LGI2: variants seen among roughly 807,000 people sequenced by gnomAD.
The protein encoded by LGI2 is leucine rich repeat LGI family member 2.
A neutral mutation model predicts 52.0 loss-of-function variants in LGI2; 30 were observed. That is an observed-to-expected ratio of 0.58 (90% CI 0.43 to 0.78). The LOEUF (loss-of-function observed/expected upper bound fraction) is 0.78. LGI2 is among the 30% of genes least tolerant of loss of function. LGI2 has a pLI of 0.00. For synonymous variants in LGI2, 270 were observed against 271.8 expected (o/e 0.99, Z 0.06); for missense variants, 573 against 692.5 (o/e 0.83, Z 1.94).
rs1488280580 is a variant in LGI2, at chr4:25,003,175, A to G, written c.*276T>C. The stretch of plus-strand genomic sequence containing the variant: ...AAAAAGCGGGGGGGAAGCATATTAC[A>G]TTTCTAGATGATAAGAGTAAATGCT... On this transcript the variant is annotated 3_prime_UTR_variant, in exon 8 of 8. Transcript: ENST00000382114. 7.0e-6 allele frequency: 2 copies of G among 287,656 alleles called. No homozygotes were observed. Among genetic ancestry groups the G allele is most frequent in the Non-Finnish European group, 1.3e-5 (2 of 158,004 alleles). 17.8% of individuals were successfully genotyped at this position (287,656 alleles called of 1,614,324 possible). A position where few individuals can be genotyped will look rare whatever the true frequency, so the allele number is the denominator to read the frequency against.
chr4:24,992,507 A>G, the LGI2 span, among the ~76,000 whole-genome samples: 1 of 151,982 alleles, frequency 6.6e-6, no homozygotes, highest in Non-Finnish European at 1.5e-5. Context: ...TGAGGTCAGG[A>G]GTTTGAGACC....
intron 4 of LGI2, 42 bp from the exon 5 acceptor site, chr4:25,019,280 T>G: frequency 7.5e-7 from 1 of 1,324,964 alleles, no homozygotes; most frequent in South Asian, 1.2e-5. Context: ...TATTATCTCA[T>G]GCCCTGTCAC....
rs796966154 is a variant in LGI2 at position 25,016,973 on chromosome 4, C to T, written c.655+1016G>A. On this transcript the variant is annotated intron_variant, in intron 6 of 7. Transcript: ENST00000382114. ...TGTAGAAACCCCACCTAAGCCTTTC[C>T]AATGGAGATACTCACCAATACCTTT... 4.6e-5 allele frequency among the ~76,000 whole-genome samples: 7 copies of T among 152,142 alleles called. No individual in the cohort carries two copies. In the East Asian group the frequency reaches 1.3e-3, roughly 29 times the overall value.
In LGI2 at chr4:25,019,158, A is replaced by T. The variant is rs765695635; in HGVS notation, c.485+9T>A. ...GACAAACACACATAAACTAAATTTC[A>T]TTACTTACAGTTCAATCAGAGAGTC... On this transcript the variant is annotated intron_variant, in intron 5 of 7. Coordinates refer to ENST00000382114, the MANE Select transcript of LGI2 (RefSeq NM_018176.4). 6.4e-7 allele frequency: 1 copy of T among 1,555,532 alleles called. No homozygotes were observed. The highest frequency in any genetic ancestry group is 8.9e-7 in the Non-Finnish European group (1 of 1,128,974).
intron 6 of LGI2, among the ~76,000 whole-genome samples, chr4:25,013,323 C>T (rs911741908): frequency 5.9e-5 from 9 of 151,980 alleles, no homozygotes; most frequent in Non-Finnish European, 7.4e-5. Context: ...GGGGAGGGGA[C>T]GGAGGCTGAG....
intron 6 of LGI2, among the ~76,000 whole-genome samples, chr4:25,017,476 A>G (rs1404788113): frequency 1.5e-5 from 2 of 134,536 alleles, no homozygotes; most frequent in Non-Finnish European, 3.1e-5. Flanking sequence ...CAGGAGGTGG[A>G]GATTGCAGTG....
At chr4:24,993,642 A>G in the LGI2 span, among the ~76,000 whole-genome samples, 24 of 152,156 alleles carry the variant, frequency 1.6e-4, no homozygotes, top group African/African-American at 4.3e-4. Context: ...TCACATCTTT[A>G]ATTTTCTCAC....
chr4:25,030,104 A>ACG (rs2109429754), intron 1 of LGI2, among the ~76,000 whole-genome samples: 1 of 151,794 alleles, frequency 6.6e-6, no homozygotes, highest in African/African-American at 2.4e-5. Context: ...ACACACACAC[A>ACG]CACGCACACG....
chr4:25,012,115 A>G (rs926039601), intron 7 of LGI2, among the ~76,000 whole-genome samples: 6 of 152,162 alleles, frequency 3.9e-5, no homozygotes, highest in Non-Finnish European at 7.4e-5. Flanking sequence ...ATGATCATCA[A>G]TAATAAGCAG....
chr4:25,016,014 T>C (rs1261869797), intron 6 of LGI2, among the ~76,000 whole-genome samples: 1 of 152,216 alleles, frequency 6.6e-6, no homozygotes, highest in African/African-American at 2.4e-5. Flanking sequence ...GTAGGAAGCT[T>C]GTTCATGAAG....
At chr4:24,995,099 T>TGCA (rs1399111197), downstream of LGI2, among the ~76,000 whole-genome samples, 4 of 152,208 alleles carry the variant, frequency 2.6e-5, no homozygotes, top group Admixed American at 1.3e-4. Context: ...CTCACCTGGG[T>TGCA]GCACAAATTA....
chr4:25,025,362 T>C (rs1222406580), intron 3 of LGI2, among the ~76,000 whole-genome samples: 1 of 152,056 alleles, frequency 6.6e-6, no homozygotes, highest in Non-Finnish European at 1.5e-5. Context: ...TGGGGGAGAG[T>C]TCTATCAAGC....
chr4:25,024,720 T>C (rs983112417), intron 4 of LGI2, 100 bp downstream of exon 4: 1 of 753,400 alleles, frequency 1.3e-6, no homozygotes, highest in East Asian at 2.6e-5. Context: ...TAGAAATTCA[T>C]TTCCTTCAGG....
At chr4:25,012,528 G>A (rs375927707) in intron 6 of LGI2, 29 bp from the exon 7 acceptor site, 28 of 1,609,238 alleles carry the variant, frequency 1.7e-5, no homozygotes, top group Non-Finnish European at 1.8e-5. Context: ...AAAGAAAAGC[G>A]TTCATAAAAT....
chr4:25,004,199 A>T lies in LGI2; in HGVS notation c.890T>A (p.Phe297Tyr), dbSNP rs1417191062. 6.2e-7 allele frequency: 1 copy of T among 1,614,200 alleles called. No individual in the cohort carries two copies. The highest frequency in any genetic ancestry group is 1.1e-5 in the South Asian group (1 of 91,074). Residue 297 changes from phenylalanine to tyrosine, a missense_variant, in exon 8 of 8, where the codon TTC becomes TAC. Physicochemically the swap from Phe to Tyr is conservative, Grantham distance 22. Transcript: ENST00000382114. The surrounding 1 kb of genome is among the most constrained non-coding windows in gnomAD (Gnocchi z 4.6). Reference sequence around the variant, plus strand: ...GTATTTGTAAATGTGAGAGCCACCGAAGAGCTGGGCTACCACCACAAAGAC... The same window carrying T: ...GTATTTGTAAATGTGAGAGCCACCGTAGAGCTGGGCTACCACCACAAAGAC... ...DQVFVVVAQL[F>Y]GGSHIYKYDE...
rs886454242 is a variant in LGI2, at chr4:24,998,903, A to G, written c.*4548T>C. 1 of 152,258 alleles carries G rather than the reference A, an allele frequency of 6.6e-6. No homozygotes were observed. Among genetic ancestry groups the G allele is most frequent in the Non-Finnish European group, 1.5e-5 (1 of 68,048 alleles). 9.4% of individuals were successfully genotyped at this position (152,258 alleles called of 1,614,324 possible). A position where few individuals can be genotyped will look rare whatever the true frequency, so the allele number is the denominator to read the frequency against. On this transcript the variant is annotated 3_prime_UTR_variant, in exon 8 of 8. Coordinates refer to ENST00000382114, the MANE Select transcript of LGI2 (RefSeq NM_018176.4). ...TACCGAATATATTGAATTAAGAGGC[A>G]TATAGTTTGTATACCCTATTTACCA...
At chr4:25,021,930 C>CAAAAAAAA (rs35526176) in intron 4 of LGI2, among the ~76,000 whole-genome samples, 1 of 76,570 alleles carries the variant, frequency 1.3e-5, no homozygotes, top group African/African-American at 4.2e-5. Context: ...GATTCCATCT[C>CAAAAAAAA]AAAAAAAAAA....
chr4:25,004,046 G>T lies in LGI2; in HGVS notation c.1043C>A (p.Ala348Asp), dbSNP rs1725329575. 1 of 1,614,076 alleles carries T rather than the reference G, an allele frequency of 6.2e-7. No individual in the cohort carries two copies. The highest frequency in any genetic ancestry group is 1.3e-5 in the African/African-American group (1 of 74,916). ...CCATTTATAAACTGTGGACAGACCA[G>T]CCTTTGAGCTGTCTGCGATGACAAA... is the stretch of plus-strand genomic sequence containing the variant. ...TFFVIADSSK[A>D]GLSTVYKWNS... is the part of the protein sequence containing the mutation. Residue 348 changes from alanine (A) to aspartate (D), a missense_variant, in exon 8 of 8, where the codon GCT becomes GAT. Transcript: ENST00000382114. This position sits in a 1 kb window ranked among gnomAD's most constrained non-coding sequence, Gnocchi z 4.6.
intron 4 of LGI2, among the ~76,000 whole-genome samples, chr4:25,021,613 A>C (rs1725960910): frequency 6.6e-6 from 1 of 152,144 alleles, no homozygotes; most frequent in African/African-American, 2.4e-5. Flanking sequence ...TACTAAATGC[A>C]TCTCCTGCCT....
Sources: allele counts gnomAD v4.1 joint callset (sites outside exome capture counted in the v4.1 genomes callset), GRCh38; gene constraint gnomAD v4.1.1; non-coding constraint Gnocchi (gnomAD v3.1); transcripts MANE v1.5; gene names NCBI Gene and HGNC (gene_info 2026-07-23, HGNC 2026-07-21).